FGF14: variants seen among roughly 807,000 people sequenced by gnomAD.
FGF14 encodes the protein fibroblast growth factor homologous factor 4.
FGF14 carries 5 observed loss-of-function variants against 25.5 expected under a neutral mutation model. The ratio of observed to expected loss-of-function variants is 0.20; its 90% CI spans 0.10 to 0.41. The LOEUF is 0.41. FGF14 is among the 10% of genes least tolerant of loss of function. The pLI is 1.00. For missense variants in FGF14, 222 were observed against 320.1 expected, an observed-to-expected ratio of 0.69 and a Z score of 2.34; for synonymous variants, 138 against 118.3, an observed-to-expected ratio of 1.17 and a Z score of -1.08.
At chr13:101,939,432 C>T (rs1479031815) in intron 1 of FGF14, among the ~76,000 whole-genome samples, 1 of 152,206 alleles carries the variant, frequency 6.6e-6, no homozygotes, top group Non-Finnish European at 1.5e-5. Context: ...TTTTGTCTGA[C>T]TTTCCATGGT....
chr13:102,357,222 G>A (rs1365462474), intron 1 of FGF14, among the ~76,000 whole-genome samples: 1 of 151,312 alleles, frequency 6.6e-6, no homozygotes, highest in Non-Finnish European at 1.5e-5. Flanking sequence ...GGTGTAGGAT[G>A]TACATTATAC....
At position 101,715,437 on chromosome 13, in the gene FGF14, A is replaced by C. The variant is rs1248620706; in HGVS notation, c.*7394T>G. The C allele has an allele frequency of 1.4e-6, 1 of 737,688 alleles. No individual in the cohort carries two copies. The highest frequency in any genetic ancestry group is 2.5e-5 in the East Asian group (1 of 39,874). The allele number at this position is 737,688 out of a possible 1,614,324, so 45.7% of individuals were successfully genotyped here. A position where few individuals can be genotyped will look rare whatever the true frequency, so the allele number is the denominator to read the frequency against. On this transcript the variant is annotated 3_prime_UTR_variant, in exon 5 of 5. Coordinates refer to ENST00000376143, the MANE Select transcript of FGF14 (RefSeq NM_004115.4). ...TAAGATGTAATAATAACATCATTGC[A>C]CAATAAGAAAATCTACCAAGGATGA...
intron 1 of FGF14, among the ~76,000 whole-genome samples, chr13:102,269,856 A>G (rs1312501000): frequency 6.6e-6 from 1 of 152,142 alleles, no homozygotes; most frequent in African/African-American, 2.4e-5. Context: ...AAAAAATCAG[A>G]AACTAGTGCA....
chr13:101,738,958 A>C (rs1410477), intron 3 of FGF14, among the ~76,000 whole-genome samples: 15 of 61,340 alleles, frequency 2.4e-4, no homozygotes, highest in East Asian at 2.2e-3. Flanking sequence ...GTGTGTGTGT[A>C]TATATATATA....
At chr13:102,261,165 C>T (rs2052697882) in intron 1 of FGF14, among the ~76,000 whole-genome samples, 1 of 152,156 alleles carries the variant, frequency 6.6e-6, no homozygotes, top group Admixed American at 6.5e-5. Flanking sequence ...TAATAAGATC[C>T]ACTTGGACTG....
At position 102,332,603 on chromosome 13, in the gene FGF14, T is replaced by A. The variant is rs537322050; in HGVS notation, c.208+68868A>T. On this transcript the variant is annotated intron_variant, in intron 1 of 4. Transcript: ENST00000376131. Reference sequence around the variant, plus strand: ...AAAGAGCTTTACCAACATTTTTTTTTATAAATTCAACTTCTGTGCATCATG... The same window carrying A: ...AAAGAGCTTTACCAACATTTTTTTTAATAAATTCAACTTCTGTGCATCATG... 3.7e-4 allele frequency among the ~76,000 whole-genome samples: 56 copies of A among 152,090 alleles called. 1 individual carries two copies. Among genetic ancestry groups the A allele is most frequent in the Non-Finnish European group, 1.5e-4 (10 of 67,962 alleles).
chr13:101,930,121 A>AT (rs1167360609), intron 1 of FGF14, among the ~76,000 whole-genome samples: 4 of 152,054 alleles, frequency 2.6e-5, no homozygotes, highest in Non-Finnish European at 2.9e-5. Flanking sequence ...TAAACATCAA[A>AT]TTTTTTCCCT....
intron 1 of FGF14, among the ~76,000 whole-genome samples, chr13:102,252,945 T>G (rs2141078206): frequency 6.6e-6 from 1 of 152,316 alleles, no homozygotes; most frequent in South Asian, 2.1e-4. Flanking sequence ...TTGTATTAGT[T>G]TGCTGAGAAT....
chr13:101,923,087 T>C (rs2034121244), intron 1 of FGF14, among the ~76,000 whole-genome samples: 1 of 152,120 alleles, frequency 6.6e-6, no homozygotes, highest in African/African-American at 2.4e-5. Flanking sequence ...TGTTATTTTA[T>C]AGATTATAAT....
At chr13:101,937,423 C>T (rs760243895) in intron 1 of FGF14, among the ~76,000 whole-genome samples, 1 of 152,094 alleles carries the variant, frequency 6.6e-6, no homozygotes, top group Non-Finnish European at 1.5e-5. Context: ...TCTGGACACA[C>T]AGAGATCCCA....
intron 1 of FGF14, among the ~76,000 whole-genome samples, chr13:102,123,730 C>T (rs1342807483): frequency 1.3e-5 from 2 of 152,156 alleles, no homozygotes; most frequent in East Asian, 3.9e-4. Flanking sequence ...TGATTCTTGA[C>T]CCCCATCCGG....
At chr13:101,874,253 A>G (rs1198666716) in intron 2 of FGF14, among the ~76,000 whole-genome samples, 2 of 152,120 alleles carry the variant, frequency 1.3e-5, no homozygotes, top group Admixed American at 6.6e-5. Context: ...TTCTGATTTG[A>G]TTATGTGTAT....
At chr13:102,044,771 G>T (rs2041905641) in intron 1 of FGF14, among the ~76,000 whole-genome samples, 1 of 151,984 alleles carries the variant, frequency 6.6e-6, no homozygotes, top group African/African-American at 2.4e-5. Context: ...GATATACATC[G>T]TCAGTCCCCC....
chr13:101,812,053 T>A (rs1162982163), intron 3 of FGF14, among the ~76,000 whole-genome samples: 1 of 152,176 alleles, frequency 6.6e-6, no homozygotes, highest in African/African-American at 2.4e-5. Context: ...TCAAAAGATT[T>A]ATCACTGAAC....
chr13:101,837,874 T>A (rs1039151634), intron 3 of FGF14, among the ~76,000 whole-genome samples: 3 of 152,006 alleles, frequency 2.0e-5, no homozygotes, highest in African/African-American at 7.2e-5. Context: ...GGACTGGGAA[T>A]GCAGACCCAC....
At chr13:101,915,772 C>T (rs1449957326) in intron 1 of FGF14, among the ~76,000 whole-genome samples, 1 of 152,182 alleles carries the variant, frequency 6.6e-6, no homozygotes, top group Non-Finnish European at 1.5e-5. Flanking sequence ...TTACTTCTGC[C>T]CCCCGCTCCC....
At chr13:101,983,463 T>A (rs1281858871) in intron 1 of FGF14, among the ~76,000 whole-genome samples, 1 of 152,142 alleles carries the variant, frequency 6.6e-6, no homozygotes, top group Non-Finnish European at 1.5e-5. Flanking sequence ...GTAAATAAGA[T>A]CCTTGTTATG....
At chr13:101,847,062 T>C (rs1211800638) in intron 3 of FGF14, among the ~76,000 whole-genome samples, 2 of 152,026 alleles carry the variant, frequency 1.3e-5, no homozygotes, top group Non-Finnish European at 2.9e-5. Flanking sequence ...ACCTATGATG[T>C]TCCTTTCCAT....
chr13:101,756,751 AAAACAAAC>A (rs199873606), intron 3 of FGF14, among the ~76,000 whole-genome samples: 1 of 152,290 alleles, frequency 6.6e-6, no homozygotes. Context: ...AAAAAAACAA[AAAACAAAC>A]AAACAAACAA....
Sources: gnomAD v4.1 joint callset for allele counts (sites outside exome capture counted in the v4.1 genomes callset) on GRCh38, gnomAD v4.1.1 for gene constraint, MANE v1.5 for transcripts, NCBI Gene and HGNC (gene_info 2026-07-23, HGNC 2026-07-21) for gene names.